CNNM2: variants seen among roughly 807,000 people sequenced by gnomAD.
CNNM2 encodes cyclin and CBS domain divalent metal cation transport mediator 2, also known as metal transporter CNNM2.
CNNM2 carries 12 observed loss-of-function variants against 66.9 expected under a neutral mutation model. That is an observed-to-expected ratio of 0.18 (90% CI 0.11 to 0.29). CNNM2 has a LOEUF of 0.29. Ranked by LOEUF, CNNM2 falls within the 10% of genes least tolerant of loss-of-function variation. The pLI is 1.00. For missense variants in CNNM2, 705 were observed against 1,167.7 expected (o/e 0.60, Z 5.77); for synonymous variants, 557 against 501.8 (o/e 1.11, Z -1.47).
chr10:102,964,592 T>C (rs1415980143), intron 1 of CNNM2, among the ~76,000 whole-genome samples: 2 of 152,122 alleles, frequency 1.3e-5, no homozygotes, highest in Non-Finnish European at 2.9e-5. Flanking sequence ...ATTTAATCAG[T>C]TGGCAGAGCT....
intron 1 of CNNM2, among the ~76,000 whole-genome samples, chr10:103,036,030 C>A (rs576312187): frequency 8.5e-4 from 129 of 152,250 alleles, no homozygotes; most frequent in African/African-American, 3.0e-3. Context: ...TTAGTTTAAT[C>A]CTAGTTTTCC....
intron 6 of CNNM2, among the ~76,000 whole-genome samples, chr10:103,073,775 T>A (rs2065638900): frequency 1.4e-5 from 2 of 138,538 alleles, no homozygotes; most frequent in South Asian, 4.4e-4. Context: ...GGCAGGAGAA[T>A]GGCGTGAACC....
chr10:103,028,365 C>T (rs914016622), intron 1 of CNNM2, among the ~76,000 whole-genome samples: 3 of 152,012 alleles, frequency 2.0e-5, no homozygotes, highest in East Asian at 3.9e-4. Flanking sequence ...ATCAGAGTCT[C>T]GGTTTTCAGG....
At chr10:102,934,563 G>A (rs962831657) in intron 1 of CNNM2, among the ~76,000 whole-genome samples, 1 of 152,080 alleles carries the variant, frequency 6.6e-6, no homozygotes, top group African/African-American at 2.4e-5. Context: ...TTACAGGCAT[G>A]AGCCACCGCG....
At position 103,023,580 on chromosome 10, in the gene CNNM2, C is replaced by G. The variant is rs538991273; in HGVS notation, c.1622-26127C>G. ...CCCATCCCCACAAAAAAAGAACTCA[C>G]CCAACACCAACTGAATAGCACTAAG... is the stretch of plus-strand genomic sequence containing the variant. On this transcript the variant is annotated intron_variant, in intron 1 of 7. Transcript: ENST00000369878. Among the ~76,000 whole-genome samples the G allele has an allele frequency of 8.5e-5, 13 of 152,194 alleles. No homozygotes were observed. In the South Asian group the frequency reaches 2.7e-3, roughly 32 times the overall value.
Position 103,067,519 on chromosome 10 carries a change from C to T in CNNM2, c.2074-1110C>T, listed in dbSNP as rs547268590. ...CTGATGTGTTAGCACAATTCCTTTT[C>T]AATACATGGCATCTTAATTTTTGTT... On this transcript the variant is annotated intron_variant, in intron 4 of 7. Coordinates refer to ENST00000369878, the MANE Select transcript of CNNM2 (RefSeq NM_017649.5). Among the ~76,000 whole-genome samples, 369 of 152,290 alleles carry T rather than the reference C, an allele frequency of 2.4e-3. 2 individuals are homozygous for T. The highest frequency in any genetic ancestry group is 8.3e-3 in the African/African-American group (346 of 41,552).
intron 1 of CNNM2, among the ~76,000 whole-genome samples, chr10:102,951,788 G>T (rs1194107515): frequency 6.6e-6 from 1 of 151,240 alleles, no homozygotes; most frequent in African/African-American, 2.4e-5. Context: ...ATAGGTGTGT[G>T]CCGCCATGCC....
intron 1 of CNNM2, among the ~76,000 whole-genome samples, chr10:102,973,692 A>G (rs2063582000): frequency 6.6e-6 from 1 of 152,190 alleles, no homozygotes; most frequent in Non-Finnish European, 1.5e-5. Flanking sequence ...CAACTGTAAC[A>G]GAAAGTTCAA....
rs139250349 is a variant in CNNM2 at position 103,000,242 on chromosome 10, CAAATAAATAAATAAAT to C, written c.1622-49437_1622-49422del. On this transcript the variant is annotated intron_variant, in intron 1 of 7. Transcript: ENST00000369878. Reference sequence around the variant, plus strand: ...CAAGAGCGAAACTCCGTCTCAAAAACAAATAAATAAATAAATAAATAAATAAATAAATAAATAAATA... The same window carrying C: ...CAAGAGCGAAACTCCGTCTCAAAAACAAATAAATAAATAAATAAATAAATA... 4.6e-3 allele frequency among the ~76,000 whole-genome samples: 667 copies of C among 146,296 alleles called. 3 individuals are homozygous for C. The highest frequency in any genetic ancestry group is 0.015 in the African/African-American group (598 of 39,592).
chr10:102,982,864 C>G (rs2063738857), intron 1 of CNNM2, among the ~76,000 whole-genome samples: 1 of 152,072 alleles, frequency 6.6e-6, no homozygotes, highest in African/African-American at 2.4e-5. Flanking sequence ...ATTCAATAAA[C>G]TTATATTACA....
At chr10:102,931,068 G>C (rs1020739493) in intron 1 of CNNM2, among the ~76,000 whole-genome samples, 2 of 152,154 alleles carry the variant, frequency 1.3e-5, no homozygotes, top group Non-Finnish European at 2.9e-5. Flanking sequence ...TCATAGAGTA[G>C]GACTGTGATT....
At chr10:103,028,434 G>A (rs149175028) in intron 1 of CNNM2, among the ~76,000 whole-genome samples, 236 of 152,304 alleles carry the variant, frequency 1.5e-3, no homozygotes, top group Non-Finnish European at 2.9e-3. Context: ...ACATTCTCAA[G>A]CACAACAGAG....
rs1845545539 is a variant in CNNM2, at chr10:102,919,458, C to T, written c.978C>T (p.Val326=). The T allele has an allele frequency of 1.2e-6, 2 of 1,611,948 alleles. No homozygotes were observed. Among genetic ancestry groups the T allele is most frequent in the Non-Finnish European group, 1.7e-6 (2 of 1,180,000 alleles). Residue 326 remains valine (V), a synonymous_variant, in exon 1 of 8, where the codon GTC becomes GTT. Transcript: ENST00000369878. The stretch of plus-strand genomic sequence containing the variant: ...CACTGCTGCTGGGCAACGTGCTGGT[C>T]AACACCACGCTCACCATCCTGCTCG... ...LCSLLLGNVL[V]NTTLTILLDD...
At chr10:103,063,019 G>A (rs1220908494) in intron 4 of CNNM2, among the ~76,000 whole-genome samples, 1 of 152,220 alleles carries the variant, frequency 6.6e-6, no homozygotes, top group Admixed American at 6.5e-5. Flanking sequence ...AGGCTTAGCT[G>A]TGATGCTCCA....
chr10:103,008,772 C>G (rs2064277110), intron 1 of CNNM2, among the ~76,000 whole-genome samples: 1 of 83,202 alleles, frequency 1.2e-5, no homozygotes, highest in Admixed American at 1.8e-4. Context: ...GAGCGAGACC[C>G]TGTCTCAAAA....
rs10665007 is a variant in CNNM2, at chr10:102,941,282, T to TTATAA, written c.1621+21183_1621+21184insTAATA. Among the ~76,000 whole-genome samples the TTATAA allele has an allele frequency of 0.41, 61,742 of 151,532 alleles. 12,760 individuals are homozygous for TTATAA. The highest frequency in any genetic ancestry group is 0.55 in the East Asian group (2,848 of 5,136). On this transcript the variant is annotated intron_variant, in intron 1 of 7. Coordinates refer to ENST00000369878, the MANE Select transcript of CNNM2 (RefSeq NM_017649.5). ...ATTTTATTTTTTATTTTATAAAAAATTACGTAGTAGAGATGGGGTCTCGCT... is the reference window on the plus strand; with the variant it reads ...ATTTTATTTTTTATTTTATAAAAAATTATAATACGTAGTAGAGATGGGGTCTCGCT...
chr10:103,052,907 G>A (rs991822550), intron 2 of CNNM2, among the ~76,000 whole-genome samples: 2 of 152,160 alleles, frequency 1.3e-5, no homozygotes, highest in African/African-American at 4.8e-5. Context: ...CTACTGTCTG[G>A]TTCTCAAAAG....
chr10:102,951,014 G>T, intron 1 of CNNM2, among the ~76,000 whole-genome samples: 1 of 117,578 alleles, frequency 8.5e-6, no homozygotes, highest in Admixed American at 1.1e-4. Context: ...TTGAGATGGA[G>T]TCTCATTCTG....
In CNNM2 at chr10:103,081,145, G is replaced by A. The variant is rs559564033; in HGVS notation, c.*3965G>A. 3 of 152,358 alleles carry A rather than the reference G, an allele frequency of 2.0e-5. No individual in the cohort carries two copies. Among genetic ancestry groups the A allele is most frequent in the African/African-American group, 2.4e-5 (1 of 41,570 alleles). 9.4% of individuals were successfully genotyped at this position (152,358 alleles called of 1,614,324 possible). On this transcript the variant is annotated 3_prime_UTR_variant, in exon 8 of 8. Transcript: ENST00000369878. The stretch of plus-strand genomic sequence containing the variant: ...AGGCCAGGGAGGGCTGGCTTTGCAC[G>A]CTATGTAGCATGACCCAAGCTCCCT...
Sources: allele counts gnomAD v4.1 joint callset (sites outside exome capture counted in the v4.1 genomes callset), GRCh38; gene constraint gnomAD v4.1.1; transcripts MANE v1.5; gene names NCBI Gene and HGNC (gene_info 2026-07-23, HGNC 2026-07-21).